Variants in COL28A1 observed in about 807,000 individuals in gnomAD.
The protein encoded by COL28A1 is collagen type XXVIII alpha 1 chain, also known as collagen alpha-1(XXVIII) chain.
A neutral mutation model predicts 150.2 loss-of-function variants in COL28A1; 161 were observed. The observed-to-expected ratio is 1.07, with a 90% CI of 0.94 to 1.22. The LOEUF (loss-of-function observed/expected upper bound fraction) is 1.22. Among genes scored for constraint, COL28A1 ranks in the 50% most tolerant of loss-of-function variants. COL28A1 has a pLI of 0.00. For synonymous variants in COL28A1, 552 were observed against 469.7 expected, an observed-to-expected ratio of 1.18 and a Z score of -2.26; for missense variants, 1,617 against 1,388.3, an observed-to-expected ratio of 1.16 and a Z score of -2.62.
chr7:7,442,344 C>T (rs1352969935), intron 20 of COL28A1, among the ~76,000 whole-genome samples: 2 of 152,164 alleles, frequency 1.3e-5, no homozygotes, highest in Non-Finnish European at 2.9e-5. Flanking sequence ...AACTCTCTTC[C>T]TTAGAGACAT....
rs558837078 is a variant in COL28A1, at chr7:7,528,797, T to C, written c.681+2551A>G. Among the ~76,000 whole-genome samples the C allele has an allele frequency of 2.9e-3, 439 of 152,282 alleles. 1 individual carries two copies. The highest frequency in any genetic ancestry group is 0.01 in the African/African-American group (417 of 41,556). On this transcript the variant is annotated intron_variant, in intron 3 of 34. Transcript: ENST00000399429. Reference sequence around the variant, plus strand: ...GTGATGGAAATGTTCTCTATCCTAATTGTGTTGGTAGTTTCATAGGTGTGT... The same window carrying C: ...GTGATGGAAATGTTCTCTATCCTAACTGTGTTGGTAGTTTCATAGGTGTGT...
chr7:7,385,081 T>A (rs892008493), intron 27 of COL28A1, among the ~76,000 whole-genome samples: 1 of 152,248 alleles, frequency 6.6e-6, no homozygotes, highest in African/African-American at 2.4e-5. Context: ...TGCAGGCAGC[T>A]ACCTGCCTGA....
intron 25 of COL28A1, among the ~76,000 whole-genome samples, chr7:7,423,993 C>T (rs1225193758): frequency 6.6e-6 from 1 of 152,156 alleles, no homozygotes; most frequent in African/African-American, 2.4e-5. Context: ...TCAGTGTTCA[C>T]CTAAAACAAA....
intron 27 of COL28A1, among the ~76,000 whole-genome samples, chr7:7,401,964 T>C (rs1352921208): frequency 6.6e-6 from 1 of 152,174 alleles, no homozygotes; most frequent in Non-Finnish European, 1.5e-5. Flanking sequence ...CTACTCCACT[T>C]CTAAACATGC....
At chr7:7,531,103 C>T (rs1782324255) in intron 3 of COL28A1, among the ~76,000 whole-genome samples, 1 of 152,114 alleles carries the variant, frequency 6.6e-6, no homozygotes, top group South Asian at 2.1e-4. Context: ...TTCCAAAATC[C>T]TCAGCATCAG....
In COL28A1 at chr7:7,440,943, G is replaced by C; in HGVS notation, c.1651-82C>G. The C allele has an allele frequency of 1.7e-5, 12 of 715,592 alleles. No individual in the cohort carries two copies. In the East Asian group the frequency reaches 3.1e-4, roughly 19 times the overall value. 44.3% of individuals were successfully genotyped at this position (715,592 alleles called of 1,614,324 possible). ...ATCTAGCAAGGACCATAGCGGAGCC[G>C]GATTCTCGACTAATACCAATTTTAA... On this transcript the variant is annotated intron_variant, in intron 20 of 34. Transcript: ENST00000399429.
chr7:7,444,520 A>G (rs1335166951), intron 18 of COL28A1, 31 bp from the exon 19 acceptor site: 20 of 1,604,510 alleles, frequency 1.2e-5, no homozygotes, highest in African/African-American at 2.7e-5. Context: ...TTATTTCCCT[A>G]AAGTTCATAC....
At chr7:7,501,076 T>C (rs1780496403) in intron 11 of COL28A1, among the ~76,000 whole-genome samples, 2 of 152,216 alleles carry the variant, frequency 1.3e-5, no homozygotes, top group Admixed American at 6.5e-5. Flanking sequence ...TATTTCTCTA[T>C]GGATTTTCTT....
upstream of COL28A1, among the ~76,000 whole-genome samples, chr7:7,536,031 T>C (rs13438746): frequency 0.082 from 12,457 of 152,246 alleles, 1,756 homozygotes; most frequent in African/African-American, 0.28. Flanking sequence ...TCCAGACTAT[T>C]GTAAAAACAA....
At chr7:7,508,526 AGTTT>A (rs1780949277) in intron 9 of COL28A1, among the ~76,000 whole-genome samples, 1 of 152,156 alleles carries the variant, frequency 6.6e-6, no homozygotes, top group Admixed American at 6.5e-5. Flanking sequence ...TCCTCCATAA[AGTTT>A]GTTTGTTAAT....
At chr7:7,494,872 G>C (rs1039429591) in intron 11 of COL28A1, among the ~76,000 whole-genome samples, 4 of 152,170 alleles carry the variant, frequency 2.6e-5, no homozygotes, top group African/African-American at 9.7e-5. Flanking sequence ...GGAGATGTTT[G>C]ATCCAAACAA....
Position 7,487,900 on chromosome 7 carries a change from G to A in COL28A1, c.1164+1489C>T, listed in dbSNP as rs142096573. Among the ~76,000 whole-genome samples the A allele has an allele frequency of 2.1e-3, 324 of 152,254 alleles. 1 individual carries two copies. The highest frequency in any genetic ancestry group is 7.3e-3 in the African/African-American group (303 of 41,552). ...GCTTGGATTCAAGCTGCCATGTTGTGAGGAAGCCCAAGCAACCACTGTAGC... is the reference window on the plus strand; with the variant it reads ...GCTTGGATTCAAGCTGCCATGTTGTAAGGAAGCCCAAGCAACCACTGTAGC... On this transcript the variant is annotated intron_variant, in intron 13 of 34. Coordinates refer to ENST00000399429, the MANE Select transcript of COL28A1 (RefSeq NM_001037763.3).
chr7:7,362,577 A>G (rs1249913930), intron 33 of COL28A1, among the ~76,000 whole-genome samples: 1 of 150,338 alleles, frequency 6.7e-6, no homozygotes, highest in Admixed American at 6.7e-5. Flanking sequence ...TATTTTTTAC[A>G]GTGATTAAAT....
chr7:7,444,295 G>A, intron 19 of COL28A1, 123 bp downstream of exon 19: 1 of 1,321,786 alleles, frequency 7.6e-7, no homozygotes, highest in Non-Finnish European at 1.0e-6. Flanking sequence ...TTGGGATTGT[G>A]AGATATTTTT....
At chr7:7,447,171 G>A (rs1459624265) in intron 18 of COL28A1, among the ~76,000 whole-genome samples, 2 of 152,068 alleles carry the variant, frequency 1.3e-5, no homozygotes, top group Non-Finnish European at 2.9e-5. Flanking sequence ...TTAAAAGCAA[G>A]ACCCAAATGG....
At chr7:7,449,535 T>TAA (rs139023216) in intron 18 of COL28A1, among the ~76,000 whole-genome samples, 3,563 of 147,656 alleles carry the variant, frequency 0.024, 109 homozygotes, top group African/African-American at 0.076. Context: ...TACAAAATGA[T>TAA]AAAAAAAAAA....
At chr7:7,403,233 G>T (rs1046367052) in intron 27 of COL28A1, among the ~76,000 whole-genome samples, 1 of 152,082 alleles carries the variant, frequency 6.6e-6, no homozygotes, top group African/African-American at 2.4e-5. Context: ...ACCTGGCCCA[G>T]GAAACACAGC....
chr7:7,527,067 A>C (rs535509930), intron 3 of COL28A1, among the ~76,000 whole-genome samples: 1 of 152,360 alleles, frequency 6.6e-6, no homozygotes, highest in South Asian at 2.1e-4. Context: ...GCTCTTTAGA[A>C]ATATGTGGCA....
In COL28A1 at chr7:7,525,823, T is replaced by C. The variant is rs79976557; in HGVS notation, c.682-1574A>G. On this transcript the variant is annotated intron_variant, in intron 3 of 34. Transcript: ENST00000399429. ...AACTAGCTATGTGGCCTTGGACAAG[T>C]CATACAATCCTTCCAGGTAATTTTC... 5.6e-3 allele frequency among the ~76,000 whole-genome samples: 858 copies of C among 152,324 alleles called. 11 individuals carry two copies. Among genetic ancestry groups the C allele is most frequent in the African/African-American group, 0.019 (779 of 41,568 alleles).
Sources: gnomAD v4.1 joint callset for allele counts (sites outside exome capture counted in the v4.1 genomes callset) on GRCh38, gnomAD v4.1.1 for gene constraint, MANE v1.5 for transcripts, NCBI Gene and HGNC (gene_info 2026-07-23, HGNC 2026-07-21) for gene names.